The following OR10J1 variants were observed in gnomAD, a reference collection of about 807,000 sequenced individuals.
The protein encoded by OR10J1 is olfactory receptor 10J1.
For synonymous variants in OR10J1, 202 were observed against 143.8 expected (o/e 1.40, Z -2.89); for missense variants, 474 against 376.6 (o/e 1.26, Z -2.14).
At chr1:159,438,129 C>T (rs1655792788), upstream of OR10J1, 1 of 152,200 alleles carries the variant, frequency 6.6e-6, no homozygotes, top group African/African-American at 2.4e-5. Flanking sequence ...CAGGTCCTAT[C>T]ACAGCTGGAC....
the OR10J1 span, among the ~76,000 whole-genome samples, chr1:159,402,477 A>G: frequency 3.9e-5 from 6 of 152,060 alleles, no homozygotes; most frequent in African/African-American, 1.4e-4. Context: ...CAAAGATGTG[A>G]AAAACAAATT....
the OR10J1 span, among the ~76,000 whole-genome samples, chr1:159,423,626 GA>G: frequency 6.6e-6 from 1 of 152,154 alleles, no homozygotes; most frequent in African/African-American, 2.4e-5. Flanking sequence ...GTGCAGTGTA[GA>G]CAATGAGGAG....
upstream of OR10J1, among the ~76,000 whole-genome samples, chr1:159,434,706 G>GTT (rs1257018871): frequency 6.6e-6 from 1 of 152,104 alleles, no homozygotes; most frequent in African/African-American, 2.4e-5. Flanking sequence ...AACCTCCCTG[G>GTT]TTTTTGTTTC....
the OR10J1 span, among the ~76,000 whole-genome samples, chr1:159,405,140 T>C: frequency 4.6e-5 from 7 of 151,802 alleles, no homozygotes; most frequent in Non-Finnish European, 7.4e-5. Context: ...AATAAAGACA[T>C]GAGGAAAAAA....
At chr1:159,403,240 AAC>A in the OR10J1 span, among the ~76,000 whole-genome samples, 1 of 152,132 alleles carries the variant, frequency 6.6e-6, no homozygotes, top group Non-Finnish European at 1.5e-5. Flanking sequence ...AAACACAGGC[AAC>A]CAAATCAAAA....
At chr1:159,429,020 A>T in the OR10J1 span, among the ~76,000 whole-genome samples, 6 of 152,230 alleles carry the variant, frequency 3.9e-5, no homozygotes. Flanking sequence ...ACCTTCAGAA[A>T]GGCCCATCTT....
In OR10J1 at chr1:159,440,593, G is replaced by T; in HGVS notation, c.802G>T (p.Glu268Ter). The change falls in exon 1 of 1, where the codon GAA becomes TAA. Residue 268 changes from glutamate (E) to a stop codon, truncating the protein, a stop_gained. Coordinates refer to ENST00000423932, the MANE Select transcript of OR10J1 (RefSeq NM_012351.3). LOFTEE classifies it low-confidence loss of function (END_TRUNC). ...YLKPKSENTREHDQLISVTYT... is the reference protein window; with the variant it reads ...YLKPKSENTR ...CAAGCCCAAGTCAGAGAACACCAGAGAACATGACCAGCTGATCTCGGTGAC... is the reference window on the plus strand; with the variant it reads ...CAAGCCCAAGTCAGAGAACACCAGATAACATGACCAGCTGATCTCGGTGAC... 1 of 1,613,496 alleles carries T rather than the reference G, an allele frequency of 6.2e-7. No individual in the cohort carries two copies. Among genetic ancestry groups the T allele is most frequent in the Non-Finnish European group, 8.5e-7 (1 of 1,179,872 alleles).
chr1:159,415,351 A>G, the OR10J1 span, among the ~76,000 whole-genome samples: 13 of 151,956 alleles, frequency 8.6e-5, no homozygotes, highest in African/African-American at 3.1e-4. Flanking sequence ...GCATGTTCTT[A>G]GTGCCTTTGT....
the OR10J1 span, among the ~76,000 whole-genome samples, chr1:159,418,736 A>G: frequency 6.6e-6 from 1 of 152,184 alleles, no homozygotes; most frequent in Non-Finnish European, 1.5e-5. Context: ...AGAATGGTAG[A>G]TCTACCAACA....
chr1:159,406,076 G>A, the OR10J1 span: 1 of 430,158 alleles, frequency 2.3e-6, no homozygotes. Context: ...GAGTGACACA[G>A]CCTTGCATGA....
chr1:159,416,108 T>C, the OR10J1 span, among the ~76,000 whole-genome samples: 2 of 152,036 alleles, frequency 1.3e-5, no homozygotes, highest in Admixed American at 1.3e-4. Context: ...TTTTTCTAGA[T>C]GTAAGATTAT....
chr1:159,418,599 C>A, the OR10J1 span, among the ~76,000 whole-genome samples: 1 of 152,160 alleles, frequency 6.6e-6, no homozygotes, highest in Non-Finnish European at 1.5e-5. Flanking sequence ...AGGGGTGGGG[C>A]CTTCACAGAG....
upstream of OR10J1, among the ~76,000 whole-genome samples, chr1:159,434,680 T>C (rs1655686218): frequency 6.6e-6 from 1 of 152,138 alleles, no homozygotes. Context: ...CAAGCATGTG[T>C]CCTGTTATGA....
chr1:159,427,474 C>T, the OR10J1 span, among the ~76,000 whole-genome samples: 228 of 151,650 alleles, frequency 1.5e-3, no homozygotes, highest in African/African-American at 5.3e-3. Context: ...AGGACAGATA[C>T]GGAGGAACAA....
chr1:159,432,628 G>C, the OR10J1 span: 1 of 456,396 alleles, frequency 2.2e-6, no homozygotes, highest in African/African-American at 2.0e-5. Flanking sequence ...AAAAAGGCTT[G>C]TATACAACTG....
the OR10J1 span, among the ~76,000 whole-genome samples, chr1:159,402,533 A>T: frequency 6.6e-6 from 1 of 152,132 alleles, no homozygotes; most frequent in African/African-American, 2.4e-5. Context: ...AAAATGAATT[A>T]TCTAGGAATG....
upstream of OR10J1, chr1:159,439,645 G>A (rs1655844740): frequency 2.2e-6 from 2 of 926,254 alleles, no homozygotes; most frequent in Non-Finnish European, 3.3e-6. Flanking sequence ...GTAAACCCAG[G>A]GATTAACTTA....
upstream of OR10J1, among the ~76,000 whole-genome samples, chr1:159,439,058 C>T (rs74606413): frequency 1.8e-3 from 271 of 152,304 alleles, 2 homozygotes; most frequent in Middle Eastern, 3.4e-3. Context: ...TTATAACATA[C>T]GTGAATCAGT....
the OR10J1 span, chr1:159,405,273 C>G: frequency 6.6e-6 from 1 of 152,194 alleles, no homozygotes; most frequent in Admixed American, 6.6e-5. Context: ...AGGCATCCAA[C>G]ATGAATCTTC....
Sources: allele counts gnomAD v4.1 joint callset (sites outside exome capture counted in the v4.1 genomes callset), GRCh38; gene constraint gnomAD v4.1.1; transcripts MANE v1.5; gene names NCBI Gene and HGNC (gene_info 2026-07-23, HGNC 2026-07-21).